MEIS2: variants seen among roughly 807,000 people sequenced by gnomAD.
The protein encoded by MEIS2 is homeobox protein Meis2.
In MEIS2, 9 loss-of-function variants were observed where a neutral mutation model predicts 58.6. The ratio of observed to expected loss-of-function variants is 0.15; its 90% CI spans 0.09 to 0.27. The LOEUF (loss-of-function observed/expected upper bound fraction) is 0.27. Among genes scored for constraint, MEIS2 ranks in the 10% least tolerant of loss-of-function variants. MEIS2 has a pLI of 1.00. For missense variants in MEIS2, 427 were observed against 635.0 expected, an observed-to-expected ratio of 0.67 and a Z score of 3.52; for synonymous variants, 221 against 228.4, an observed-to-expected ratio of 0.97 and a Z score of 0.29.
chr15:37,043,102 A>C (rs2062500300), intron 7 of MEIS2, among the ~76,000 whole-genome samples: 1 of 152,236 alleles, frequency 6.6e-6, no homozygotes, highest in Non-Finnish European at 1.5e-5. Flanking sequence ...TCTTCAGAGA[A>C]ATAAGACAAA....
At position 36,990,641 on chromosome 15, in the gene MEIS2, C is replaced by CT. The variant is rs11367124; in HGVS notation, c.901-40242dup. The stretch of plus-strand genomic sequence containing the variant: ...TTATTGGTATAGTTTAGTGGGCTTT[C>CT]TTTTTTTTTTACAGCTTTAAGATGT... On this transcript the variant is annotated intron_variant, in intron 8 of 11. Transcript: ENST00000561208. Among the ~76,000 whole-genome samples, 45 of 151,404 alleles carry CT rather than the reference C, an allele frequency of 3.0e-4. No individual in the cohort carries two copies. The East Asian group carries it at 6.6e-3, about 22-fold the overall frequency.
At chr15:37,072,326 T>G (rs1890815695) in intron 7 of MEIS2, among the ~76,000 whole-genome samples, 1 of 152,080 alleles carries the variant, frequency 6.6e-6, no homozygotes, top group Non-Finnish European at 1.5e-5. Context: ...AAGTCCTGGT[T>G]GTGTAATTCC....
intron 8 of MEIS2, among the ~76,000 whole-genome samples, chr15:36,971,921 A>C (rs990266932): frequency 1.3e-5 from 2 of 152,214 alleles, no homozygotes; most frequent in Non-Finnish European, 2.9e-5. Flanking sequence ...ACAGCATTTC[A>C]CTGATCCCTG....
intron 9 of MEIS2, among the ~76,000 whole-genome samples, chr15:36,921,081 T>C (rs1249752322): frequency 2.0e-5 from 3 of 152,188 alleles, no homozygotes; most frequent in African/African-American, 7.2e-5. Context: ...CATTTGTTAA[T>C]CAAACATGGC....
At chr15:36,981,938 T>A (rs1263297558) in intron 8 of MEIS2, among the ~76,000 whole-genome samples, 1 of 151,912 alleles carries the variant, frequency 6.6e-6, no homozygotes, top group East Asian at 1.9e-4. Flanking sequence ...CTTACACCAA[T>A]CCCCCAAAAC....
chr15:36,925,864 C>A (rs746075409), intron 9 of MEIS2, among the ~76,000 whole-genome samples: 7 of 152,144 alleles, frequency 4.6e-5, no homozygotes, highest in African/African-American at 9.7e-5. Context: ...CATTAACAAA[C>A]AATACTGCTG....
chr15:37,037,242 A>G (rs972664447), intron 7 of MEIS2, among the ~76,000 whole-genome samples: 2 of 152,150 alleles, frequency 1.3e-5, no homozygotes, highest in East Asian at 1.9e-4. Context: ...ATGGAATCCA[A>G]TGTGGGAAAA....
In MEIS2 at chr15:36,907,929, G is replaced by GAA. The variant is rs5811946; in HGVS notation, c.978-11245_978-11244dup. Among the ~76,000 whole-genome samples, 35 of 150,836 alleles carry GAA rather than the reference G, an allele frequency of 2.3e-4. No individual in the cohort carries two copies. The East Asian group carries it at 2.7e-3, about 12-fold the overall frequency. On this transcript the variant is annotated intron_variant, in intron 9 of 11. Transcript: ENST00000561208. Reference sequence around the variant, plus strand: ...GGCATCTAGTAAAGGTGCCAATGGGGAAAAAAAAATCAAAGATCTAAACAA... The same window carrying GAA: ...GGCATCTAGTAAAGGTGCCAATGGGGAAAAAAAAAAATCAAAGATCTAAACAA...
intron 9 of MEIS2, among the ~76,000 whole-genome samples, chr15:36,908,831 C>G (rs1567037373): frequency 1.3e-5 from 2 of 151,910 alleles, no homozygotes; most frequent in Admixed American, 1.3e-4. Context: ...CCCAGCTACT[C>G]GGGAGGCTGA....
intron 7 of MEIS2, among the ~76,000 whole-genome samples, chr15:37,050,117 A>G (rs756007169): frequency 3.9e-5 from 6 of 152,214 alleles, no homozygotes; most frequent in Non-Finnish European, 8.8e-5. Context: ...ATTGCATCAC[A>G]GCAAAACCCT....
At chr15:37,018,544 A>G (rs1459626832) in intron 8 of MEIS2, among the ~76,000 whole-genome samples, 1 of 152,250 alleles carries the variant, frequency 6.6e-6, no homozygotes, top group Non-Finnish European at 1.5e-5. Flanking sequence ...TTTCATTTAT[A>G]TAACTGAGTT....
At chr15:36,956,461 C>T (rs1425136993) in intron 8 of MEIS2, among the ~76,000 whole-genome samples, 1 of 152,088 alleles carries the variant, frequency 6.6e-6, no homozygotes, top group Non-Finnish European at 1.5e-5. Flanking sequence ...GGGATGTAAT[C>T]AGTGGTGGCT....
chr15:36,992,980 T>C (rs1297973214), intron 8 of MEIS2, among the ~76,000 whole-genome samples: 2 of 152,184 alleles, frequency 1.3e-5, no homozygotes, highest in Non-Finnish European at 2.9e-5. Flanking sequence ...GTCTTCCTAA[T>C]GGAGAACAAA....
At chr15:36,978,945 C>G (rs2059845336) in intron 8 of MEIS2, among the ~76,000 whole-genome samples, 1 of 152,040 alleles carries the variant, frequency 6.6e-6, no homozygotes, top group South Asian at 2.1e-4. Context: ...TTTATTAGAT[C>G]ATTAACTTTT....
chr15:37,050,647 C>T (rs1453425478), intron 7 of MEIS2, among the ~76,000 whole-genome samples: 1 of 152,124 alleles, frequency 6.6e-6, no homozygotes, highest in African/African-American at 2.4e-5. Flanking sequence ...TTTGTTTGTA[C>T]ACTGGAGACT....
intron 8 of MEIS2, among the ~76,000 whole-genome samples, chr15:36,987,783 G>T (rs1343673739): frequency 4.1e-5 from 6 of 146,182 alleles, no homozygotes; most frequent in African/African-American, 1.3e-4. Context: ...GCTATGACCA[G>T]TTTTTTTTTT....
intron 1 of MEIS2, 54 bp downstream of exon 1, chr15:37,099,401 G>A (rs1894831312): frequency 1.9e-6 from 3 of 1,613,490 alleles, no homozygotes; most frequent in Non-Finnish European, 2.5e-6. Context: ...ATCGGGACAG[G>A]CCCCTCTTAG....
chr15:37,022,458 A>G (rs1190469946), intron 8 of MEIS2, among the ~76,000 whole-genome samples: 3 of 152,158 alleles, frequency 2.0e-5, no homozygotes. Flanking sequence ...TATGTTCCCC[A>G]GGCTGGTCTT....
At chr15:37,039,939 A>G (rs1437531303) in intron 7 of MEIS2, among the ~76,000 whole-genome samples, 1 of 152,214 alleles carries the variant, frequency 6.6e-6, no homozygotes, top group African/African-American at 2.4e-5. Flanking sequence ...AGCACAGAGA[A>G]CTAACAACAG....
Sources: gnomAD v4.1 joint callset for allele counts (sites outside exome capture counted in the v4.1 genomes callset) on GRCh38, gnomAD v4.1.1 for gene constraint, MANE v1.5 for transcripts, NCBI Gene and HGNC (gene_info 2026-07-23, HGNC 2026-07-21) for gene names.